Variants in OTUD7A observed in about 807,000 individuals in gnomAD.
The protein encoded by OTUD7A is OTU deubiquitinase 7A, also known as OTU domain-containing protein 7A.
In OTUD7A, 12 loss-of-function variants were observed where a neutral mutation model predicts 65.7. The observed-to-expected ratio is 0.18, with a 90% CI of 0.12 to 0.30. The LOEUF is 0.30. OTUD7A is among the 10% of genes least tolerant of loss of function. The pLI is 1.00. For synonymous variants in OTUD7A, 641 were observed against 586.3 expected (o/e 1.09, Z -1.35); for missense variants, 1,148 against 1,304.8 (o/e 0.88, Z 1.85).
At chr15:31,526,971 G>A (rs939313650) in intron 7 of OTUD7A, among the ~76,000 whole-genome samples, 1 of 152,180 alleles carries the variant, frequency 6.6e-6, no homozygotes, top group African/African-American at 2.4e-5. Context: ...ACAAGTGGAC[G>A]CATAGTTGCT....
chr15:31,820,429 C>A (rs573738034), intron 1 of OTUD7A, among the ~76,000 whole-genome samples: 1 of 152,152 alleles, frequency 6.6e-6, no homozygotes, highest in East Asian at 1.9e-4. Context: ...ATATTTTCTA[C>A]GAGATATCGC....
At chr15:31,661,145 C>G (rs755678327) in intron 1 of OTUD7A, among the ~76,000 whole-genome samples, 2 of 152,200 alleles carry the variant, frequency 1.3e-5, no homozygotes, top group Non-Finnish European at 2.9e-5. Context: ...TTGACACTCA[C>G]TTATTATACT....
At chr15:31,649,012 A>G (rs1891758060) in intron 3 of OTUD7A, among the ~76,000 whole-genome samples, 1 of 152,072 alleles carries the variant, frequency 6.6e-6, no homozygotes, top group South Asian at 2.1e-4. Flanking sequence ...CCACCAGCCT[A>G]GGCCTCCCAA....
intron 1 of OTUD7A, among the ~76,000 whole-genome samples, chr15:31,717,725 G>C (rs537350604): frequency 8.9e-4 from 135 of 152,290 alleles, no homozygotes; most frequent in African/African-American, 3.2e-3. Flanking sequence ...CTTTATAGTA[G>C]AATGATTTAT....
chr15:31,492,103 CTTT>C (rs1249749007), intron 10 of OTUD7A, among the ~76,000 whole-genome samples: 2 of 152,016 alleles, frequency 1.3e-5, no homozygotes, highest in African/African-American at 4.8e-5. Context: ...TTTTTTTCTT[CTTT>C]TTAATTGCTC....
rs1170532149 is a variant in OTUD7A at position 31,592,879 on chromosome 15, C to CAAAAAAAA, written c.152-22690_152-22683dup. On this transcript the variant is annotated intron_variant, in intron 3 of 12. Coordinates refer to ENST00000307050, the MANE Select transcript of OTUD7A (RefSeq NM_001382637.1). The stretch of plus-strand genomic sequence containing the variant: ...TGGGTGACAGAGCAAGGCTCTGTCT[C>CAAAAAAAA]AAAAAAAAAAAAAAAAAAAAAAAAA... Among the ~76,000 whole-genome samples, 4 of 8,536 alleles carry CAAAAAAAA rather than the reference C, an allele frequency of 4.7e-4. 1 individual carries two copies. Among genetic ancestry groups the CAAAAAAAA allele is most frequent in the African/African-American group, 2.9e-3 (4 of 1,384 alleles). The allele number at this position is 8,536 out of a possible 152,430, so 5.6% of individuals were successfully genotyped here.
At chr15:31,731,522 T>C (rs1030013163) in intron 1 of OTUD7A, among the ~76,000 whole-genome samples, 6 of 152,166 alleles carry the variant, frequency 3.9e-5, no homozygotes, top group Middle Eastern at 3.4e-3. Flanking sequence ...GACAGTAAAA[T>C]GATCAGTGGT....
chr15:31,646,466 G>GTT (rs11332562), intron 3 of OTUD7A, among the ~76,000 whole-genome samples: 5 of 130,016 alleles, frequency 3.8e-5, no homozygotes, highest in Admixed American at 7.7e-5. Flanking sequence ...TTTCTTTTTT[G>GTT]TTTTTTTTTT....
chr15:31,700,097 T>C (rs1253051641), intron 1 of OTUD7A, among the ~76,000 whole-genome samples: 2 of 151,860 alleles, frequency 1.3e-5, no homozygotes, highest in Non-Finnish European at 2.9e-5. Flanking sequence ...TTCTAGCTCT[T>C]AGTTAACACA....
Position 31,559,048 on chromosome 15 carries a change from G to T in OTUD7A, c.471C>A (p.Ser157Arg). Residue 157 changes from serine to arginine, a missense_variant, in exon 5 of 13, where the codon AGC becomes AGA. Around this residue, in one of 6 missense-constraint regions of OTUD7A, gnomAD observed 134 missense variants for 252.6 expected, o/e 0.53. Transcript: ENST00000307050. ...PIYTFQLPDL[S>R]VYSEDFRSFI... ...AGCTCCTGAAATCCTCGCTGTACAC[G>T]CTCAGGTCTGGCAACTGGAATGTGT... 2.5e-6 allele frequency: 4 copies of T among 1,614,204 alleles called. No individual in the cohort carries two copies. Among genetic ancestry groups the T allele is most frequent in the Non-Finnish European group, 3.4e-6 (4 of 1,180,036 alleles).
At chr15:31,518,780 A>C (rs910440618) in intron 8 of OTUD7A, among the ~76,000 whole-genome samples, 1 of 152,232 alleles carries the variant, frequency 6.6e-6, no homozygotes, top group African/African-American at 2.4e-5. Context: ...CAGTCTGAGG[A>C]GGCTCAAGGG....
chr15:31,783,254 G>C (rs902496659), intron 1 of OTUD7A, among the ~76,000 whole-genome samples: 12 of 152,316 alleles, frequency 7.9e-5, no homozygotes, highest in African/African-American at 2.9e-4. Flanking sequence ...ACCAATACTT[G>C]CTGCTGAAGG....
chr15:31,791,555 C>A (rs539364785), intron 1 of OTUD7A, among the ~76,000 whole-genome samples: 1 of 152,114 alleles, frequency 6.6e-6, no homozygotes, highest in Non-Finnish European at 1.5e-5. Context: ...GGGACGCATG[C>A]GACACAGACA....
chr15:31,784,872 T>C (rs1410249224), intron 1 of OTUD7A, among the ~76,000 whole-genome samples: 1 of 152,012 alleles, frequency 6.6e-6, no homozygotes, highest in Non-Finnish European at 1.5e-5. Flanking sequence ...TTCTCCTGAG[T>C]GTTTTATTGA....
intron 8 of OTUD7A, among the ~76,000 whole-genome samples, chr15:31,523,428 C>G (rs1362149181): frequency 6.6e-6 from 1 of 152,188 alleles, no homozygotes; most frequent in Non-Finnish European, 1.5e-5. Flanking sequence ...AGTTGAGGGG[C>G]TGTGTCCTTA....
rs1330312533 is a variant in OTUD7A at position 31,482,214 on chromosome 15, C to A, written c.*1080G>T. 6.6e-6 allele frequency: 1 copy of A among 152,232 alleles called. No homozygotes were observed. The highest frequency in any genetic ancestry group is 1.5e-5 in the Non-Finnish European group (1 of 68,036). 9.4% of individuals were successfully genotyped at this position (152,232 alleles called of 1,614,324 possible). A position where few individuals can be genotyped will look rare whatever the true frequency, so the allele number is the denominator to read the frequency against. On this transcript the variant is annotated 3_prime_UTR_variant, in exon 13 of 13. Coordinates refer to ENST00000307050, the MANE Select transcript of OTUD7A (RefSeq NM_001382637.1). Reference sequence around the variant, plus strand: ...ACGAGACGGAGGCAGGGTCGTCCTGCCCCGTGGAGGGGCCACGATCACAGT... The same window carrying A: ...ACGAGACGGAGGCAGGGTCGTCCTGACCCGTGGAGGGGCCACGATCACAGT...
intron 3 of OTUD7A, among the ~76,000 whole-genome samples, chr15:31,617,098 C>T (rs1355284877): frequency 1.3e-5 from 2 of 152,060 alleles, no homozygotes; most frequent in Admixed American, 1.3e-4. Flanking sequence ...ATATATCAAA[C>T]ATTTATGAGG....
At chr15:31,822,137 CTT>C (rs1274180957) in intron 1 of OTUD7A, among the ~76,000 whole-genome samples, 1 of 152,198 alleles carries the variant, frequency 6.6e-6, no homozygotes, top group Non-Finnish European at 1.5e-5. Flanking sequence ...TATTTCTTCT[CTT>C]GTTCCTGGTC....
intron 1 of OTUD7A, among the ~76,000 whole-genome samples, chr15:31,696,480 C>T (rs1167077092): frequency 8.1e-6 from 1 of 122,938 alleles, no homozygotes; most frequent in Non-Finnish European, 1.7e-5. Flanking sequence ...TGCCTCTGCA[C>T]CCGGGCCCCG....
Sources: gnomAD v4.1 joint callset for allele counts (sites outside exome capture counted in the v4.1 genomes callset) on GRCh38, gnomAD v4.1.1 for gene constraint, gnomAD v4.1.1 regional missense constraint, MANE v1.5 for transcripts, NCBI Gene and HGNC (gene_info 2026-07-23, HGNC 2026-07-21) for gene names.